Variants in LRP1B observed in about 807,000 individuals in gnomAD.
The protein encoded by LRP1B is LDL receptor related protein 1B.
Under a neutral mutation model 556.6 loss-of-function variants are expected in LRP1B, and 217 were observed. That is an observed-to-expected ratio of 0.39 (90% CI 0.35 to 0.44). The LOEUF (loss-of-function observed/expected upper bound fraction) is 0.44, where lower values mean the gene tolerates loss of function less well. Among genes scored for constraint, LRP1B ranks in the 20% least tolerant of loss-of-function variants. LRP1B has a pLI of 1.00. For synonymous variants in LRP1B, 2,047 were observed against 1,865.8 expected (o/e 1.10, Z -2.50); for missense variants, 5,053 against 5,620.8 (o/e 0.90, Z 3.23).
chr2:140,428,860 CTT>C (rs571538830), intron 66 of LRP1B, among the ~76,000 whole-genome samples: 121 of 152,220 alleles, frequency 7.9e-4, no homozygotes, highest in African/African-American at 2.8e-3. Context: ...TTTAAGCACT[CTT>C]TTTTAGTTAT....
chr2:141,377,289 C>T (rs2104879663), intron 3 of LRP1B, among the ~76,000 whole-genome samples: 1 of 152,142 alleles, frequency 6.6e-6, no homozygotes, highest in African/African-American at 2.4e-5. Context: ...GTATATTTTA[C>T]AAATATGAAA....
At chr2:140,541,180 G>C (rs11694970) in intron 44 of LRP1B, 82 bp from the exon 45 acceptor site, 556,138 of 1,179,888 alleles carry the variant, frequency 0.47, 132,717 homozygotes, top group South Asian at 0.55. Context: ...TAAACTATTA[G>C]ACTGCCTCAA....
intron 2 of LRP1B, among the ~76,000 whole-genome samples, chr2:141,792,605 C>T (rs1416725820): frequency 6.6e-6 from 1 of 151,930 alleles, no homozygotes; most frequent in East Asian, 1.9e-4. Flanking sequence ...TAACAAGTTT[C>T]CTAATGCTTC....
At chr2:140,651,757 C>T (rs540496752) in intron 41 of LRP1B, among the ~76,000 whole-genome samples, 1 of 152,168 alleles carries the variant, frequency 6.6e-6, no homozygotes, top group South Asian at 2.1e-4. Context: ...GATTAGGAGA[C>T]ATATACATCA....
intron 1 of LRP1B, among the ~76,000 whole-genome samples, chr2:141,843,993 CT>C (rs1697561210): frequency 6.6e-6 from 1 of 152,108 alleles, no homozygotes; most frequent in Non-Finnish European, 1.5e-5. Context: ...TCATTCACTC[CT>C]TCATTGCAGA....
In LRP1B at chr2:140,945,124, T is replaced by C. The variant is rs187163056; in HGVS notation, c.3136+5111A>G. Among the ~76,000 whole-genome samples the C allele has an allele frequency of 5.3e-5, 8 of 152,156 alleles. No homozygotes were observed. The East Asian group carries it at 5.8e-4, about 11-fold the overall frequency. On this transcript the variant is annotated intron_variant, in intron 20 of 90. Transcript: ENST00000389484. The stretch of plus-strand genomic sequence containing the variant: ...CACTAATAGCATTCAAGCTGAGAGA[T>C]AAATCAAGAATACAATCCTATTTAC...
At chr2:140,432,277 A>G (rs11901299) in intron 66 of LRP1B, among the ~76,000 whole-genome samples, 48,147 of 151,742 alleles carry the variant, frequency 0.32, 8,096 homozygotes, top group Non-Finnish European at 0.35. Flanking sequence ...CTTATAAAAC[A>G]GACCCACCTG....
intron 20 of LRP1B, among the ~76,000 whole-genome samples, chr2:140,948,884 G>A (rs184419593): frequency 1.3e-5 from 2 of 152,206 alleles, no homozygotes; most frequent in Admixed American, 1.3e-4. Context: ...AGAACAGCTG[G>A]GCTTTTTAAA....
At chr2:141,766,758 G>T (rs1354580552) in intron 2 of LRP1B, among the ~76,000 whole-genome samples, 1 of 152,068 alleles carries the variant, frequency 6.6e-6, no homozygotes, top group African/African-American at 2.4e-5. Flanking sequence ...CCATCTTTCT[G>T]TCTTTCTTTT....
intron 11 of LRP1B, among the ~76,000 whole-genome samples, chr2:141,023,899 G>A (rs1698141004): frequency 6.6e-6 from 1 of 151,916 alleles, no homozygotes; most frequent in African/African-American, 2.4e-5. Context: ...TTATTTTTCT[G>A]AGTTGGAACG....
At chr2:141,246,900 G>A (rs1363564653) in intron 5 of LRP1B, among the ~76,000 whole-genome samples, 3 of 152,146 alleles carry the variant, frequency 2.0e-5, no homozygotes, top group Admixed American at 6.5e-5. Flanking sequence ...GGGAGGCAGA[G>A]GTTGAAGTGA....
chr2:140,534,559 C>A (rs768887005), intron 46 of LRP1B, among the ~76,000 whole-genome samples: 11 of 152,082 alleles, frequency 7.2e-5, no homozygotes, highest in Admixed American at 4.6e-4. Context: ...GGAAATAAAG[C>A]AACAAAGCAC....
chr2:141,797,056 ATGTTGGATATAATTC>A (rs1433218953), intron 2 of LRP1B, among the ~76,000 whole-genome samples: 1 of 149,300 alleles, frequency 6.7e-6, no homozygotes, highest in Non-Finnish European at 1.5e-5. Flanking sequence ...TTCTTAAAGT[ATGTTGGATATAATTC>A]TGTGACTCAT....
At chr2:140,763,179 A>G (rs1055756744) in intron 35 of LRP1B, among the ~76,000 whole-genome samples, 3 of 152,102 alleles carry the variant, frequency 2.0e-5, no homozygotes, top group Non-Finnish European at 4.4e-5. Flanking sequence ...CTGCTCAAAC[A>G]TATATAATTT....
intron 3 of LRP1B, among the ~76,000 whole-genome samples, chr2:141,273,527 A>C (rs1485269784): frequency 6.6e-6 from 1 of 152,214 alleles, no homozygotes; most frequent in Non-Finnish European, 1.5e-5. Context: ...GGAAATCCAC[A>C]TGCAAAAAAA....
At chr2:141,924,735 G>A (rs993531511) in intron 1 of LRP1B, among the ~76,000 whole-genome samples, 20 of 152,142 alleles carry the variant, frequency 1.3e-4, no homozygotes, top group Admixed American at 9.8e-4. Context: ...TGGGAGGAGG[G>A]GGATCAGGGA....
intron 32 of LRP1B, among the ~76,000 whole-genome samples, chr2:140,812,320 C>T (rs564867395): frequency 6.6e-6 from 1 of 152,094 alleles, no homozygotes; most frequent in African/African-American, 2.4e-5. Flanking sequence ...GTCTATATTT[C>T]CCTATAATAA....
At chr2:142,056,855 T>A (rs1704692666) in intron 1 of LRP1B, among the ~76,000 whole-genome samples, 1 of 152,128 alleles carries the variant, frequency 6.6e-6, no homozygotes, top group South Asian at 2.1e-4. Context: ...ACTATGATAA[T>A]TTCAGCCCAG....
chr2:140,293,717 AGC>A (rs1378218480), intron 84 of LRP1B, among the ~76,000 whole-genome samples: 57 of 152,148 alleles, frequency 3.7e-4, no homozygotes, highest in Admixed American at 3.7e-3. Flanking sequence ...TGTTTTTGTC[AGC>A]TGTTGAATTT....
Sources: allele counts gnomAD v4.1 joint callset (sites outside exome capture counted in the v4.1 genomes callset), GRCh38; gene constraint gnomAD v4.1.1; transcripts MANE v1.5; gene names NCBI Gene and HGNC (gene_info 2026-07-23, HGNC 2026-07-21).